The following SPRY3 variants were observed in gnomAD, a reference collection of about 807,000 sequenced individuals.
The protein encoded by SPRY3 is sprouty RTK signaling antagonist 3, also known as protein sprouty homolog 3.
Under a neutral mutation model 20.2 loss-of-function variants are expected in SPRY3, and 15 were observed. That is an observed-to-expected ratio of 0.74 (90% confidence interval 0.50 to 1.14). The LOEUF (loss-of-function observed/expected upper bound fraction) is 1.14, where lower values mean the gene tolerates loss of function less well. SPRY3 is among the 50% of genes most tolerant of loss of function. The probability of loss-of-function intolerance (pLI) is 0.00; values close to 1 mark genes in which losing one functional copy is unlikely to be tolerated. For synonymous variants in SPRY3, 143 were observed against 136.5 expected, an observed-to-expected ratio of 1.05 and a Z score of -0.33; for missense variants, 364 against 363.9, an observed-to-expected ratio of 1.00 and a Z score of 0.00.
intron 2 of SPRY3, among the ~76,000 whole-genome samples, chrX:155,715,674 T>C (rs181593713): frequency 6.6e-6 from 1 of 152,232 alleles, no homozygotes; most frequent in East Asian, 1.9e-4. Flanking sequence ...CCTCATGTCC[T>C]TTCAAGGACC....
intron 2 of SPRY3, among the ~76,000 whole-genome samples, chrX:155,703,828 T>C (rs1044293731): frequency 2.6e-5 from 4 of 152,034 alleles, no homozygotes; most frequent in African/African-American, 4.8e-5. Flanking sequence ...TTTGTTCTCG[T>C]TGGGGAAACC....
rs140281175 is a variant in SPRY3, at chrX:155,651,851, T to C, written c.-440-5016T>C. On this transcript the variant is annotated intron_variant, in intron 1 of 3. Transcript: ENST00000675360. The stretch of plus-strand genomic sequence containing the variant: ...CATTTATCCTTTGTGTTCATATTAG[T>C]CCATTCTCGCATTGTTATAAAGAAC... Among the ~76,000 whole-genome samples the C allele has an allele frequency of 7.0e-3, 782 of 111,878 alleles. 6 individuals carry two copies. Among genetic ancestry groups the C allele is most frequent in the African/African-American group, 0.024 (743 of 30,874 alleles).
rs150186562 is a variant in SPRY3, at chrX:155,674,132, T to C, written c.-282+17107T>C. Among the ~76,000 whole-genome samples the C allele has an allele frequency of 4.2e-4, 47 of 111,359 alleles. No homozygotes were observed. In the East Asian group the frequency reaches 0.012, roughly 28 times the overall value. ...CAATCTTTTTACATTATGACACAGATAAAAAACGGCATTTGTATATTTCAC... is the reference window on the plus strand; with the variant it reads ...CAATCTTTTTACATTATGACACAGACAAAAAACGGCATTTGTATATTTCAC... On this transcript the variant is annotated intron_variant, in intron 2 of 3. Coordinates refer to ENST00000675360, the Ensembl canonical transcript of SPRY3.
At chrX:155,671,893 T>A (rs2068041974) in intron 2 of SPRY3, among the ~76,000 whole-genome samples, 1 of 111,896 alleles carries the variant, frequency 8.9e-6, no homozygotes, top group African/African-American at 3.2e-5. Flanking sequence ...GCACCATTTA[T>A]TAAATAGGGA....
At chrX:155,751,134 A>T (rs2091260109) in intron 2 of SPRY3, among the ~76,000 whole-genome samples, 1 of 151,868 alleles carries the variant, frequency 6.6e-6, no homozygotes, top group African/African-American at 2.4e-5. Flanking sequence ...AGAAGGAGTG[A>T]GCAGAAAAGA....
At chrX:155,661,184 G>T (rs1376257533) in intron 2 of SPRY3, among the ~76,000 whole-genome samples, 1 of 111,723 alleles carries the variant, frequency 9.0e-6, no homozygotes, top group Non-Finnish European at 1.9e-5. Context: ...TTGTTTCCTT[G>T]TTGAAAATTC....
chrX:155,706,928 A>G (rs2090955877), intron 2 of SPRY3, among the ~76,000 whole-genome samples: 1 of 151,132 alleles, frequency 6.6e-6, no homozygotes, highest in South Asian at 2.1e-4. Context: ...CTTTTAAAAG[A>G]AACAATTTAT....
intron 2 of SPRY3, among the ~76,000 whole-genome samples, chrX:155,725,491 T>A (rs184942315): frequency 2.6e-5 from 4 of 152,208 alleles, no homozygotes; most frequent in African/African-American, 9.6e-5. Flanking sequence ...TTGCTTCAAT[T>A]TCAGAGCCTG....
At chrX:155,753,471 C>T (rs306894) in intron 2 of SPRY3, among the ~76,000 whole-genome samples, 58,936 of 151,602 alleles carry the variant, frequency 0.39, 10,918 homozygotes, top group South Asian at 0.52. Context: ...GGATAGGTCA[C>T]GTTTTGTTTA....
intron 2 of SPRY3, among the ~76,000 whole-genome samples, chrX:155,666,676 A>G (rs1557354357): frequency 9.0e-6 from 1 of 111,540 alleles, no homozygotes; most frequent in African/African-American, 3.3e-5. Context: ...TTTGTGTTGA[A>G]CGTGTGGGAT....
At chrX:155,756,388 A>G (rs1022735904) in intron 2 of SPRY3, among the ~76,000 whole-genome samples, 4 of 152,180 alleles carry the variant, frequency 2.6e-5, no homozygotes, top group African/African-American at 4.8e-5. Flanking sequence ...TCTAAACACC[A>G]TGTGGCCAGG....
At chrX:155,724,607 T>C (rs1458152393) in intron 2 of SPRY3, among the ~76,000 whole-genome samples, 1 of 152,190 alleles carries the variant, frequency 6.6e-6, no homozygotes, top group Non-Finnish European at 1.5e-5. Flanking sequence ...TCTCTGTTTG[T>C]CTGTTATTGG....
intron 2 of SPRY3, among the ~76,000 whole-genome samples, chrX:155,708,775 A>T (rs1332728550): frequency 5.9e-5 from 9 of 151,412 alleles, no homozygotes; most frequent in Non-Finnish European, 1.2e-4. Flanking sequence ...AGTTATTTTA[A>T]AATGTACAAT....
At chrX:155,677,022 T>G (rs2068060454) in intron 2 of SPRY3, among the ~76,000 whole-genome samples, 1 of 112,018 alleles carries the variant, frequency 8.9e-6, no homozygotes, top group Non-Finnish European at 1.9e-5. Flanking sequence ...AGATGTATTC[T>G]TTCAGTCAGT....
chrX:155,717,740 C>A (rs948492162), intron 2 of SPRY3, among the ~76,000 whole-genome samples: 1 of 152,130 alleles, frequency 6.6e-6, no homozygotes, highest in South Asian at 2.1e-4. Flanking sequence ...ATGAACTCAT[C>A]CTTTTTTATG....
intron 2 of SPRY3, among the ~76,000 whole-genome samples, chrX:155,680,145 G>GGTGTGTGTGT (rs774435204): frequency 0.017 from 1,214 of 70,297 alleles, 23 homozygotes; most frequent in African/African-American, 0.04. Context: ...AAGCAATGCT[G>GGTGTGTGTGT]GTGTGTGTGT....
rs191644682 is a variant in SPRY3 at position 155,766,495 on chromosome X, C to G, written c.-281-1467C>G. Among the ~76,000 whole-genome samples, 165 of 152,264 alleles carry G rather than the reference C, an allele frequency of 1.1e-3. 1 individual carries two copies. The Middle Eastern group carries it at 0.014, about 13-fold the overall frequency. ...ACTCTGAACTGTCACCATTTACCAT[C>G]TCAATTTTATAGATGAGGTAACCAA... On this transcript the variant is annotated intron_variant, in intron 2 of 3. Coordinates refer to ENST00000675360, the Ensembl canonical transcript of SPRY3.
exon 4 of SPRY3, chrX:155,774,815 G>T (rs1162039106): frequency 2.0e-6 from 3 of 1,498,484 alleles, no homozygotes; most frequent in Admixed American, 2.2e-5. Context: ...CTTTGGAGAG[G>T]GGGAGGAGTG....
At chrX:155,714,542 C>T (rs773206308) in intron 2 of SPRY3, among the ~76,000 whole-genome samples, 1 of 152,146 alleles carries the variant, frequency 6.6e-6, no homozygotes, top group Admixed American at 6.5e-5. Flanking sequence ...CTGTGTTGAG[C>T]CACCTGGAAC....
Sources: allele counts gnomAD v4.1 joint callset (sites outside exome capture counted in the v4.1 genomes callset), GRCh38; gene constraint gnomAD v4.1.1; transcripts MANE v1.5; gene names NCBI Gene and HGNC (gene_info 2026-07-23, HGNC 2026-07-21).